The following PRMT7 variants were observed in gnomAD, a reference collection of about 807,000 sequenced individuals.
PRMT7 encodes protein arginine N-methyltransferase 7.
Under a neutral mutation model 85.4 loss-of-function variants are expected in PRMT7, and 75 were observed. That is an observed-to-expected ratio of 0.88 (90% CI 0.73 to 1.06). PRMT7 has a LOEUF of 1.06. Ranked by LOEUF, PRMT7 falls within the 50% of genes least tolerant of loss-of-function variation. The pLI, the probability that PRMT7 is intolerant of heterozygous loss-of-function variation, is 0.00. For synonymous variants in PRMT7, 397 were observed against 359.5 expected (o/e 1.10, Z -1.18); for missense variants, 868 against 915.2 (o/e 0.95, Z 0.67).
chr16:68,338,696 G>A (rs920534167), intron 7 of PRMT7, among the ~76,000 whole-genome samples: 3 of 152,164 alleles, frequency 2.0e-5, no homozygotes, highest in African/African-American at 7.2e-5. Flanking sequence ...CATGCCCAGA[G>A]CAACCCCTAC....
intron 9 of PRMT7, among the ~76,000 whole-genome samples, chr16:68,345,425 C>T (rs2086210862): frequency 6.6e-6 from 1 of 152,192 alleles, no homozygotes; most frequent in African/African-American, 2.4e-5. Flanking sequence ...TTGTCCCCTC[C>T]CCTGAGCCAC....
intron 9 of PRMT7, among the ~76,000 whole-genome samples, chr16:68,345,094 C>T (rs1234002220): frequency 6.6e-6 from 1 of 152,032 alleles, no homozygotes; most frequent in African/African-American, 2.4e-5. Flanking sequence ...AACACATGAT[C>T]ACACCTAAGA....
In PRMT7 at chr16:68,347,239, G is replaced by T; in HGVS notation, c.1220G>T (p.Cys407Phe). The T allele has an allele frequency of 6.4e-7, 1 of 1,553,588 alleles. No individual in the cohort carries two copies. The highest frequency in any genetic ancestry group is 8.7e-7 in the Non-Finnish European group (1 of 1,147,646). Reference protein sequence around the residue: ...TVLKPDSVCLCVSDGSLLSVL... With the variant: ...TVLKPDSVCLFVSDGSLLSVL... ...CTGAAGCCAGACAGCGTGTGCCTGT[G>T]TGTCAGCGATGGCAGCCTGCTCTCC... The change falls in exon 12 of 19, where the codon TGT becomes TTT. Residue 407 changes from cysteine to phenylalanine, a missense_variant. Coordinates refer to ENST00000441236, the MANE Select transcript of PRMT7 (RefSeq NM_019023.5).
intron 4 of PRMT7, among the ~76,000 whole-genome samples, chr16:68,322,177 G>C (rs1016477574): frequency 6.6e-6 from 1 of 151,956 alleles, no homozygotes; most frequent in Non-Finnish European, 1.5e-5. Flanking sequence ...CATGACACCT[G>C]GCCTTCACTG....
At chr16:68,335,095 C>G (rs1385769233) in intron 6 of PRMT7, among the ~76,000 whole-genome samples, 2 of 152,156 alleles carry the variant, frequency 1.3e-5, no homozygotes, top group African/African-American at 4.8e-5. Context: ...CTGTGCCTGG[C>G]TCTTGATTTT....
chr16:68,356,727 T>A lies in PRMT7; in HGVS notation c.1838T>A (p.Leu613Gln). Residue 613 changes from leucine (L) to glutamine (Q), a missense_variant, in exon 18 of 19, where the codon CTA becomes CAA. Physicochemically the swap from Leu to Gln is moderately radical, Grantham distance 113. Transcript: ENST00000441236. ...CCCGGGCAGAGCCACGCAGCGGTGC[T>A]ATGGATGGAGTACCACCTGACCCCG... ...RRPGQSHAAV[L>Q]WMEYHLTPEC... 9 of 1,611,964 alleles carry A rather than the reference T, an allele frequency of 5.6e-6. No individual in the cohort carries two copies. Among genetic ancestry groups the A allele is most frequent in the Non-Finnish European group, 7.6e-6 (9 of 1,179,866 alleles).
intron 6 of PRMT7, among the ~76,000 whole-genome samples, chr16:68,330,942 AT>A (rs2083795352): frequency 6.6e-6 from 1 of 152,120 alleles, no homozygotes; most frequent in South Asian, 2.1e-4. Context: ...AAATCATTCC[AT>A]TTACAATCAA....
At position 68,351,988 on chromosome 16, in the gene PRMT7, G is replaced by A. The variant is rs567100231; in HGVS notation, c.1414-260G>A. On this transcript the variant is annotated intron_variant, in intron 14 of 18. Transcript: ENST00000441236. ...TCTTCTGCTCTGCTCTCCTGAGCAC[G>A]GGACTCATGTCTGGTTGTAATCTTT... 200 of 365,154 alleles carry A rather than the reference G, an allele frequency of 5.5e-4. 2 individuals carry two copies. The South Asian group carries it at 8.0e-3, about 15-fold the overall frequency. 22.6% of individuals were successfully genotyped at this position (365,154 alleles called of 1,614,324 possible).
chr16:68,358,861 T>A (rs1402791650), downstream of PRMT7: 1 of 152,462 alleles, frequency 6.6e-6, no homozygotes, highest in Admixed American at 6.5e-5. Context: ...GGGCCTGGCC[T>A]GCACACAAGG....
Position 68,339,322 on chromosome 16 carries a change from G to C in PRMT7, c.505G>C (p.Glu169Gln). 1 of 1,613,496 alleles carries C rather than the reference G, an allele frequency of 6.2e-7. No homozygotes were observed. The highest frequency in any genetic ancestry group is 8.5e-7 in the Non-Finnish European group (1 of 1,179,498). ...YEHAHRHLVE[E>Q]NCEAVPHRAT... is the part of the protein sequence containing the mutation. ...GGTTTTGTTTTTAATATAAACTTAGGAAAATTGTGAGGCCGTGCCCCACAG... is the reference window on the plus strand; with the variant it reads ...GGTTTTGTTTTTAATATAAACTTAGCAAAATTGTGAGGCCGTGCCCCACAG... Residue 169 changes from glutamate (E) to glutamine (Q), a missense_variant and splice_region_variant, in exon 8 of 19, where the codon GAA becomes CAA. Physicochemically the swap from Glu to Gln is conservative, Grantham distance 29. Transcript: ENST00000441236.
At chr16:68,351,522 G>A (rs118081518) in intron 14 of PRMT7, 8,305 of 152,572 alleles carry the variant, frequency 0.054, 294 homozygotes, top group Non-Finnish European at 0.084. Context: ...CCCCACTGCC[G>A]CCTCCGGGAT....
chr16:68,329,840 A>G (rs1409796685), intron 6 of PRMT7, among the ~76,000 whole-genome samples: 1 of 151,888 alleles, frequency 6.6e-6, no homozygotes, highest in East Asian at 1.9e-4. Context: ...TTTCCTGTAT[A>G]GCATTGTCTC....
chr16:68,345,563 G>A (rs553693892), intron 9 of PRMT7, 112 bp from the exon 10 acceptor site: 2 of 1,471,026 alleles, frequency 1.4e-6, no homozygotes, highest in East Asian at 4.6e-5. Context: ...GCCAGCTGTA[G>A]TCTACATTGT....
chr16:68,325,423 A>T (rs1391783734), intron 5 of PRMT7, among the ~76,000 whole-genome samples: 1 of 152,108 alleles, frequency 6.6e-6, no homozygotes, highest in African/African-American at 2.4e-5. Flanking sequence ...TTTGTAGGGG[A>T]AAGTATTTAA....
In PRMT7 at chr16:68,357,345, AAGAC is replaced by A; in HGVS notation, c.*122_*125del. On this transcript the variant is annotated 3_prime_UTR_variant, in exon 19 of 19. Coordinates refer to ENST00000441236, the MANE Select transcript of PRMT7 (RefSeq NM_019023.5). ...GAGCTGCTCGGCCTCAGGGATGGGAAAGACTGCGCCGTGTTGCATCTTGTTGCAT... is the reference window on the plus strand; with the variant it reads ...GAGCTGCTCGGCCTCAGGGATGGGAATGCGCCGTGTTGCATCTTGTTGCAT... 9.1e-7 allele frequency: 1 copy of A among 1,093,480 alleles called. No homozygotes were observed. The highest frequency in any genetic ancestry group is 1.3e-6 in the Non-Finnish European group (1 of 767,602). 67.7% of individuals were successfully genotyped at this position (1,093,480 alleles called of 1,614,324 possible).
intron 16 of PRMT7, among the ~76,000 whole-genome samples, chr16:68,354,120 G>A (rs557333751): frequency 6.6e-6 from 1 of 152,316 alleles, no homozygotes; most frequent in Admixed American, 6.5e-5. Context: ...GCTCCTGCTT[G>A]TCATCCCAGC....
At chr16:68,342,317 G>A (rs935705261) in intron 9 of PRMT7, among the ~76,000 whole-genome samples, 3 of 152,128 alleles carry the variant, frequency 2.0e-5, no homozygotes, top group African/African-American at 7.2e-5. Flanking sequence ...TTAACCAAAT[G>A]TCTCCCAAAG....
In PRMT7 at chr16:68,347,636, TACAG is replaced by T. The variant is rs1188015037; in HGVS notation, c.1282_1285del (p.Thr428SerfsTer11). On this transcript the variant is annotated frameshift_variant, in exon 13 of 19. Coordinates refer to ENST00000441236, the MANE Select transcript of PRMT7 (RefSeq NM_019023.5). LOFTEE classifies it high-confidence loss of function. ...TAGCGTGGTGTTCCCTCTAGGTGTT[TACAG>T]TCGAGAGTTCAGCAGCTTCTCACAA... The T allele has an allele frequency of 6.2e-7, 1 of 1,613,746 alleles. No homozygotes were observed. Among genetic ancestry groups the T allele is most frequent in the Non-Finnish European group, 8.5e-7 (1 of 1,179,628 alleles).
At chr16:68,339,090 G>A (rs997482414) in intron 7 of PRMT7, among the ~76,000 whole-genome samples, 1 of 152,208 alleles carries the variant, frequency 6.6e-6, no homozygotes, top group Non-Finnish European at 1.5e-5. Flanking sequence ...CAGGAACTTA[G>A]CTGACAGAAG....
Sources: gnomAD v4.1 joint callset for allele counts (sites outside exome capture counted in the v4.1 genomes callset) on GRCh38, gnomAD v4.1.1 for gene constraint, MANE v1.5 for transcripts, NCBI Gene and HGNC (gene_info 2026-07-23, HGNC 2026-07-21) for gene names.